PAPSS1: variants seen among roughly 807,000 people sequenced by gnomAD.
PAPSS1 encodes bifunctional 3'-phosphoadenosine 5'-phosphosulfate synthase 1.
Under a neutral mutation model 72.0 loss-of-function variants are expected in PAPSS1, and 50 were observed. The observed-to-expected ratio is 0.69, with a 90% CI of 0.55 to 0.88. The LOEUF (loss-of-function observed/expected upper bound fraction) is 0.88. Ranked by LOEUF, PAPSS1 falls within the 40% of genes least tolerant of loss-of-function variation. The pLI is 0.00. For synonymous variants in PAPSS1, 261 were observed against 263.6 expected (o/e 0.99, Z 0.09); for missense variants, 657 against 782.2 (o/e 0.84, Z 1.91).
chr4:107,621,606 A>ATTTTTTTTTTT (rs1382723816), intron 11 of PAPSS1, among the ~76,000 whole-genome samples: 91 of 50,406 alleles, frequency 1.8e-3, no homozygotes, highest in Non-Finnish European at 2.7e-3. Context: ...CAGGTTTTTT[A>ATTTTTTTTTTT]TCTTTTTTTT....
chr4:107,684,452 T>C (rs1373476132), intron 4 of PAPSS1, among the ~76,000 whole-genome samples: 1 of 152,180 alleles, frequency 6.6e-6, no homozygotes, highest in Non-Finnish European at 1.5e-5. Flanking sequence ...GGGGAAAATT[T>C]GCACCTTTAA....
chr4:107,659,875 C>A, intron 6 of PAPSS1, 84 bp downstream of exon 6: 1 of 727,550 alleles, frequency 1.4e-6, no homozygotes, highest in South Asian at 1.7e-5. Flanking sequence ...CCCCTGGCCT[C>A]AAATACTGCT....
intron 5 of PAPSS1, among the ~76,000 whole-genome samples, chr4:107,674,144 G>C (rs546376476): frequency 8.5e-5 from 13 of 152,246 alleles, no homozygotes; most frequent in Non-Finnish European, 1.9e-4. Flanking sequence ...AAAATAACCA[G>C]CTAACATCAT....
intron 3 of PAPSS1, among the ~76,000 whole-genome samples, chr4:107,693,074 A>G (rs1452048302): frequency 6.6e-6 from 1 of 152,174 alleles, no homozygotes. Context: ...TGATCTGTGT[A>G]GCAAATCACC....
At chr4:107,652,193 A>T (rs1409981933) in intron 9 of PAPSS1, among the ~76,000 whole-genome samples, 1 of 152,218 alleles carries the variant, frequency 6.6e-6, no homozygotes, top group Non-Finnish European at 1.5e-5. Context: ...TCTACACAGA[A>T]AATATAAAAG....
At chr4:107,708,758 T>G (rs1486976817) in intron 1 of PAPSS1, among the ~76,000 whole-genome samples, 2 of 152,238 alleles carry the variant, frequency 1.3e-5, no homozygotes, top group Non-Finnish European at 2.9e-5. Context: ...AAGGAGATTT[T>G]TTTTGGTTTA....
At chr4:107,666,460 A>G (rs1352285040) in intron 5 of PAPSS1, among the ~76,000 whole-genome samples, 3 of 152,212 alleles carry the variant, frequency 2.0e-5, no homozygotes, top group Non-Finnish European at 4.4e-5. Flanking sequence ...GAAAACGCTA[A>G]GAAATGCAGT....
chr4:107,717,614 AAT>A (rs1394634370), intron 1 of PAPSS1, among the ~76,000 whole-genome samples: 5 of 152,182 alleles, frequency 3.3e-5, no homozygotes, highest in Non-Finnish European at 7.3e-5. Context: ...TGTCTCTCAT[AAT>A]ATTCACCCTC....
intron 1 of PAPSS1, among the ~76,000 whole-genome samples, chr4:107,709,444 T>C (rs539522984): frequency 1.3e-5 from 2 of 152,168 alleles, no homozygotes; most frequent in Non-Finnish European, 2.9e-5. Context: ...ATAATACTAC[T>C]TCCCCAAAAG....
chr4:107,695,202 CT>C (rs1682823645), intron 2 of PAPSS1, among the ~76,000 whole-genome samples: 1 of 152,082 alleles, frequency 6.6e-6, no homozygotes, highest in Non-Finnish European at 1.5e-5. Flanking sequence ...TGAAGAGGTC[CT>C]TCACGTCCCT....
At chr4:107,634,797 A>ATTTTTTTTTTTTTTTTTTTTTTT (rs3083966) in intron 10 of PAPSS1, among the ~76,000 whole-genome samples, 1 of 116,010 alleles carries the variant, frequency 8.6e-6, no homozygotes, top group Non-Finnish European at 1.7e-5. Flanking sequence ...TATTCTAGAC[A>ATTTTTTTTTTTTTTTTTTTTTTT]TTTTTTTTTT....
intron 5 of PAPSS1, among the ~76,000 whole-genome samples, chr4:107,660,958 C>T (rs1727164720): frequency 6.6e-6 from 1 of 152,044 alleles, no homozygotes; most frequent in Non-Finnish European, 1.5e-5. Flanking sequence ...AAAGTTATAT[C>T]TTTAGATAAA....
chr4:107,695,557 TTGTCTTG>T, intron 2 of PAPSS1, among the ~76,000 whole-genome samples: 1 of 152,186 alleles, frequency 6.6e-6, no homozygotes, highest in East Asian at 1.9e-4. Flanking sequence ...GACAGCATCC[TTGTCTTG>T]TGCCGGTTTT....
Position 107,630,750 on chromosome 4 carries a change from T to G in PAPSS1, c.1736+881A>C, listed in dbSNP as rs529430998. Among the ~76,000 whole-genome samples, 5 of 152,332 alleles carry G rather than the reference T, an allele frequency of 3.3e-5. No individual in the cohort carries two copies. The South Asian group carries it at 1.0e-3, about 32-fold the overall frequency. On this transcript the variant is annotated intron_variant, in intron 11 of 11. Transcript: ENST00000265174. ...TAAAACCAGACTGCCTGGGTTCATC[T>G]GCTGAGCTGCCATTTACTAGTCCTG...
At chr4:107,701,976 CAAAA>C (rs11328129) in intron 1 of PAPSS1, among the ~76,000 whole-genome samples, 10 of 133,924 alleles carry the variant, frequency 7.5e-5, no homozygotes, top group Non-Finnish European at 8.1e-5. Flanking sequence ...AAAGCTGCTT[CAAAA>C]AAAAAAAAAA....
intron 1 of PAPSS1, among the ~76,000 whole-genome samples, chr4:107,709,213 G>C (rs1385056797): frequency 6.6e-6 from 1 of 152,104 alleles, no homozygotes; most frequent in African/African-American, 2.4e-5. Flanking sequence ...TTGCCACATT[G>C]TCCTAACTCC....
chr4:107,677,057 T>C (rs1240210340), intron 5 of PAPSS1, among the ~76,000 whole-genome samples: 3 of 152,190 alleles, frequency 2.0e-5, no homozygotes, highest in Non-Finnish European at 4.4e-5. Context: ...AAGACTTAAA[T>C]GTTACACCTA....
chr4:107,663,235 T>C (rs1406401981), intron 5 of PAPSS1, among the ~76,000 whole-genome samples: 2 of 152,036 alleles, frequency 1.3e-5, no homozygotes, highest in East Asian at 1.9e-4. Flanking sequence ...CAGGAGTCTA[T>C]AGGTCAGTTA....
chr4:107,673,891 T>G (rs1292066302), intron 5 of PAPSS1, among the ~76,000 whole-genome samples: 1 of 152,188 alleles, frequency 6.6e-6, no homozygotes, highest in East Asian at 1.9e-4. Context: ...GGGGCCAATA[T>G]TCAACATTCT....
Sources: gnomAD v4.1 joint callset for allele counts (sites outside exome capture counted in the v4.1 genomes callset) on GRCh38, gnomAD v4.1.1 for gene constraint, MANE v1.5 for transcripts, NCBI Gene and HGNC (gene_info 2026-07-23, HGNC 2026-07-21) for gene names.